The following POMT2 variants were observed in gnomAD, a reference collection of about 807,000 sequenced individuals.
The protein encoded by POMT2 is protein O-mannosyltransferase 2.
In POMT2, 75 loss-of-function variants were observed where a neutral mutation model predicts 100.0. The observed-to-expected ratio is 0.75, with a 90% CI of 0.62 to 0.91. The LOEUF (loss-of-function observed/expected upper bound fraction) is 0.91, where lower values mean the gene tolerates loss of function less well. Among genes scored for constraint, POMT2 ranks in the 40% least tolerant of loss-of-function variants. The pLI is 0.00. For missense variants in POMT2, 940 were observed against 955.1 expected, an observed-to-expected ratio of 0.98 and a Z score of 0.21; for synonymous variants, 378 against 374.1, an observed-to-expected ratio of 1.01 and a Z score of -0.12.
At chr14:77,286,016 G>A (rs201423407) in intron 12 of POMT2, among the ~76,000 whole-genome samples, 1 of 152,264 alleles carries the variant, frequency 6.6e-6, no homozygotes, top group East Asian at 1.9e-4. Flanking sequence ...GGCTATCTAG[G>A]TATTCACTCA....
chr14:77,290,988 G>C (rs982953546), intron 10 of POMT2, among the ~76,000 whole-genome samples: 1 of 152,152 alleles, frequency 6.6e-6, no homozygotes, highest in Non-Finnish European at 1.5e-5. Context: ...GCCCTCAGCT[G>C]GGGCCACTCA....
intron 13 of POMT2, 101 bp downstream of exon 13, chr14:77,285,380 A>G: frequency 6.7e-7 from 1 of 1,481,864 alleles, no homozygotes. Context: ...ACAAGCAGAC[A>G]GCAGGTGAAC....
chr14:77,298,909 T>C, intron 7 of POMT2, 138 bp from the exon 8 acceptor site: 1 of 869,170 alleles, frequency 1.2e-6, no homozygotes. Context: ...GGTGATGGAG[T>C]TGGAGAAACT....
intron 1 of POMT2, among the ~76,000 whole-genome samples, chr14:77,316,429 C>T (rs1364293769): frequency 6.6e-6 from 1 of 151,918 alleles, no homozygotes; most frequent in African/African-American, 2.4e-5. Flanking sequence ...TTTTAATTAG[C>T]TGGACATGGT....
Position 77,298,753 on chromosome 14 carries a change from GA to G in POMT2, c.941del (p.Phe314SerfsTer29). 1 of 1,613,280 alleles carries G rather than the reference GA, an allele frequency of 6.2e-7. No homozygotes were observed. ...GCCGGGCCTGGAAGGCAGAACTGAA[GA>G]AACCGTCACCAGGGCCACTGTGGGG... ...VLSKSGPGDG[F>X]FSSAFQARLS... On this transcript the variant is annotated frameshift_variant, in exon 8 of 21. Transcript: ENST00000261534. LOFTEE classifies it high-confidence loss of function.
chr14:77,315,052 C>A (rs187522201), intron 1 of POMT2, among the ~76,000 whole-genome samples: 1 of 152,258 alleles, frequency 6.6e-6, no homozygotes, highest in Admixed American at 6.5e-5. Context: ...TCATACACAC[C>A]CATCCTAGTA....
chr14:77,281,932 G>C (rs929197512), intron 15 of POMT2, among the ~76,000 whole-genome samples: 1 of 152,198 alleles, frequency 6.6e-6, no homozygotes, highest in African/African-American at 2.4e-5. Context: ...TATGAATCCA[G>C]TTCAGCAAGG....
rs1358857168 is a variant in POMT2, at chr14:77,285,585, G to A, written c.1380C>T (p.Asn460=). 1.2e-6 allele frequency: 2 copies of A among 1,613,434 alleles called. No homozygotes were observed. Among genetic ancestry groups the A allele is most frequent in the East Asian group, 2.2e-5 (1 of 44,890 alleles). The change falls in exon 13 of 21, where the codon AAC becomes AAT. Residue 460 remains asparagine (N), a synonymous_variant. Transcript: ENST00000261534. ...CTTTGATCCGGTTTCCAAATTTCCT[G>A]TTTACGACCTCAATCCGCCAGAAAT... ...SNDFWRIEVV[N]RKFGNRIKVL...
Position 77,288,778 on chromosome 14 carries a change from G to A in POMT2, c.1237C>T (p.Arg413Ter), listed in dbSNP as rs773017813. ...VEFVRHGDII[R>*]LEHKETSRNL... ...TTGACTTACTCTTTGTGTTCTAGTC[G>A]AATAATGTCTCCATGTCTTACAAAC... Residue 413 changes from arginine (R) to a stop codon, truncating the protein, a stop_gained, in exon 11 of 21, where the codon CGA becomes TGA. Coordinates refer to ENST00000261534, the MANE Select transcript of POMT2 (RefSeq NM_013382.7). LOFTEE classifies it high-confidence loss of function. 7.4e-6 allele frequency: 12 copies of A among 1,613,570 alleles called. No individual in the cohort carries two copies. The highest frequency in any genetic ancestry group is 6.7e-5 in the Admixed American group (4 of 59,980).
chr14:77,316,545 AAC>A (rs1198526908), intron 1 of POMT2, among the ~76,000 whole-genome samples: 2 of 148,970 alleles, frequency 1.3e-5, no homozygotes, highest in Non-Finnish European at 3.0e-5. Context: ...CAGACTGGGC[AAC>A]AGAGTCAGAT....
intron 9 of POMT2, 51 bp downstream of exon 9, chr14:77,296,113 G>A: frequency 7.3e-7 from 1 of 1,378,754 alleles, no homozygotes; most frequent in Non-Finnish European, 1.0e-6. Flanking sequence ...AGAGTGAACT[G>A]TCATGGCGAA....
intron 19 of POMT2, 69 bp from the exon 20 acceptor site, chr14:77,278,577 G>A: frequency 6.9e-7 from 1 of 1,447,924 alleles, no homozygotes. Context: ...GAAGAAGGAG[G>A]CACTCCAAGT....
chr14:77,308,408 T>A (rs980951973), intron 2 of POMT2, among the ~76,000 whole-genome samples: 3 of 145,134 alleles, frequency 2.1e-5, no homozygotes, highest in Non-Finnish European at 4.5e-5. Context: ...CAGGCTAGAG[T>A]GCAATGGTGC....
At chr14:77,278,910 G>A (rs369726838) in intron 18 of POMT2, 41 bp from the exon 19 acceptor site, 50 of 1,599,682 alleles carry the variant, frequency 3.1e-5, no homozygotes, top group Admixed American at 6.8e-5. Context: ...GACAAGGAGC[G>A]GGCAGAGATT....
chr14:77,311,843 G>T, intron 2 of POMT2, 106 bp downstream of exon 2: 1 of 1,491,994 alleles, frequency 6.7e-7, no homozygotes, highest in Non-Finnish European at 9.0e-7. Flanking sequence ...CTTTCTACAA[G>T]TCCCAAATTC....
chr14:77,293,275 A>G (rs1229591001), intron 9 of POMT2, among the ~76,000 whole-genome samples: 5 of 150,866 alleles, frequency 3.3e-5, no homozygotes, highest in African/African-American at 1.2e-4. Flanking sequence ...GTGGTAGGAG[A>G]GCAGTCTTTG....
intron 2 of POMT2, chr14:77,308,857 T>C (rs1891334667): frequency 2.4e-6 from 1 of 417,686 alleles, no homozygotes; most frequent in Admixed American, 2.8e-5. Flanking sequence ...CCTGCGCAAC[T>C]ATACAACGAT....
intron 14 of POMT2, chr14:77,284,490 CGCAGTGG>C (rs1890347247): frequency 4.7e-6 from 1 of 210,688 alleles, no homozygotes. Flanking sequence ...AAGCTGACAA[CGCAGTGG>C]AAATATCAAA....
intron 1 of POMT2, among the ~76,000 whole-genome samples, chr14:77,316,957 G>A (rs916360030): frequency 1.3e-5 from 2 of 152,212 alleles, no homozygotes; most frequent in Non-Finnish European, 2.9e-5. Context: ...GATCACTCAC[G>A]TAGGTGCCCA....
Sources: gnomAD v4.1 joint callset for allele counts (sites outside exome capture counted in the v4.1 genomes callset) on GRCh38, gnomAD v4.1.1 for gene constraint, MANE v1.5 for transcripts, NCBI Gene and HGNC (gene_info 2026-07-23, HGNC 2026-07-21) for gene names.